KCNQ5: variants seen among roughly 807,000 people sequenced by gnomAD.
KCNQ5 encodes potassium voltage-gated channel subfamily KQT member 5.
In KCNQ5, 30 loss-of-function variants were observed where a neutral mutation model predicts 98.2. The observed-to-expected ratio is 0.31, with a 90% CI of 0.23 to 0.41. The LOEUF is 0.41. KCNQ5 is among the 10% of genes least tolerant of loss of function. The probability of loss-of-function intolerance (pLI) is 1.00; values close to 1 mark genes in which losing one functional copy is unlikely to be tolerated. For missense variants in KCNQ5, 835 were observed against 1,182.5 expected, an observed-to-expected ratio of 0.71 and a Z score of 4.31; for synonymous variants, 458 against 449.4, an observed-to-expected ratio of 1.02 and a Z score of -0.24.
intron 9 of KCNQ5, among the ~76,000 whole-genome samples, chr6:73,129,616 T>C (rs1260741091): frequency 2.0e-5 from 3 of 152,246 alleles, no homozygotes; most frequent in African/African-American, 7.2e-5. Flanking sequence ...TTAAGATCAC[T>C]GGATATCTTT....
chr6:73,094,235 G>A (rs767639820), intron 5 of KCNQ5, among the ~76,000 whole-genome samples: 9 of 152,102 alleles, frequency 5.9e-5, no homozygotes, highest in African/African-American at 9.7e-5. Flanking sequence ...TGCTTTTGGT[G>A]TCCATATTCC....
At chr6:73,163,082 A>G (rs900192194) in intron 10 of KCNQ5, among the ~76,000 whole-genome samples, 1 of 152,164 alleles carries the variant, frequency 6.6e-6, no homozygotes, top group African/African-American at 2.4e-5. Context: ...AATGAATACA[A>G]ATTATTGTAA....
At chr6:73,141,579 TTC>T (rs1776713433) in intron 10 of KCNQ5, among the ~76,000 whole-genome samples, 2 of 152,226 alleles carry the variant, frequency 1.3e-5, no homozygotes, top group African/African-American at 4.8e-5. Flanking sequence ...GAAAATTATA[TTC>T]TGTTTCTGTT....
chr6:72,915,068 T>G (rs1780078692), intron 1 of KCNQ5, among the ~76,000 whole-genome samples: 1 of 152,046 alleles, frequency 6.6e-6, no homozygotes, highest in Non-Finnish European at 1.5e-5. Context: ...GAACTGTTAA[T>G]TTAAAAAAAG....
chr6:72,919,296 CT>C (rs1170941889), intron 1 of KCNQ5, among the ~76,000 whole-genome samples: 1 of 152,206 alleles, frequency 6.6e-6, no homozygotes, highest in African/African-American at 2.4e-5. Context: ...TCTTAAAGAA[CT>C]CATGGGAGAG....
At chr6:73,151,087 C>T (rs1467701796) in intron 10 of KCNQ5, among the ~76,000 whole-genome samples, 1 of 152,006 alleles carries the variant, frequency 6.6e-6, no homozygotes, top group Non-Finnish European at 1.5e-5. Flanking sequence ...ATAGAGGGTA[C>T]ACAGAATCTC....
intron 1 of KCNQ5, among the ~76,000 whole-genome samples, chr6:72,859,091 G>A (rs1300011613): frequency 6.6e-6 from 1 of 152,068 alleles, no homozygotes; most frequent in Non-Finnish European, 1.5e-5. Flanking sequence ...CCATATAAAT[G>A]TAAAGGCTTT....
chr6:72,853,817 CAA>C (rs1465479963), intron 1 of KCNQ5, among the ~76,000 whole-genome samples: 1 of 152,152 alleles, frequency 6.6e-6, no homozygotes, highest in East Asian at 1.9e-4. Flanking sequence ...AACAATAGCC[CAA>C]GTCTTTACAG....
chr6:73,132,431 T>C (rs1776275610), intron 9 of KCNQ5, among the ~76,000 whole-genome samples: 1 of 152,178 alleles, frequency 6.6e-6, no homozygotes, highest in African/African-American at 2.4e-5. Flanking sequence ...ACAAAGCTTC[T>C]TACAGTTCAT....
chr6:73,052,822 CCACA>C (rs2150367247), intron 3 of KCNQ5, among the ~76,000 whole-genome samples: 1 of 152,258 alleles, frequency 6.6e-6, no homozygotes, highest in Non-Finnish European at 1.5e-5. Context: ...CAAAAAGCAA[CCACA>C]CAAACAGATC....
chr6:73,042,261 C>T (rs1242940029), intron 3 of KCNQ5, 199 bp downstream of exon 3: 1 of 604,046 alleles, frequency 1.7e-6, no homozygotes, highest in African/African-American at 1.9e-5. Context: ...TTTTATTATC[C>T]CCATTTTACA....
Position 73,133,706 on chromosome 6 carries a change from A to C in KCNQ5, c.1468+65A>C, listed in dbSNP as rs1776337002. ...GCTATAGTGAGTGAGATTATGAAGT[A>C]ATTAATTCTCCATAGTGCCACTTGA... On this transcript the variant is annotated intron_variant, in intron 10 of 13. Transcript: ENST00000370398. 3.7e-6 allele frequency: 5 copies of C among 1,354,950 alleles called. No individual in the cohort carries two copies. The East Asian group carries it at 1.2e-4, about 32-fold the overall frequency. 83.9% of individuals were successfully genotyped at this position (1,354,950 alleles called of 1,614,324 possible). A position where few individuals can be genotyped will look rare whatever the true frequency, so the allele number is the denominator to read the frequency against.
At chr6:73,164,781 A>G (rs913500321) in intron 10 of KCNQ5, among the ~76,000 whole-genome samples, 1 of 152,176 alleles carries the variant, frequency 6.6e-6, no homozygotes, top group Non-Finnish European at 1.5e-5. Context: ...CTGGTTATAC[A>G]GTGTTTTCAA....
intron 1 of KCNQ5, among the ~76,000 whole-genome samples, chr6:72,793,803 G>A (rs1047406746): frequency 6.6e-6 from 1 of 152,222 alleles, no homozygotes; most frequent in Non-Finnish European, 1.5e-5. Flanking sequence ...CTCTTATTGA[G>A]TGTCAGGCCC....
chr6:72,822,738 G>A (rs1775813889), intron 1 of KCNQ5, among the ~76,000 whole-genome samples: 1 of 152,114 alleles, frequency 6.6e-6, no homozygotes, highest in Non-Finnish European at 1.5e-5. Flanking sequence ...CAAACTTAGT[G>A]GCTTAAAACA....
chr6:73,186,802 T>G (rs192936059), intron 11 of KCNQ5, among the ~76,000 whole-genome samples: 4,676 of 152,300 alleles, frequency 0.031, 90 homozygotes, highest in East Asian at 0.068. Flanking sequence ...AAATTCTTTT[T>G]TTAAAATACT....
chr6:73,058,606 A>G (rs1391364263), intron 3 of KCNQ5, among the ~76,000 whole-genome samples: 2 of 152,236 alleles, frequency 1.3e-5, no homozygotes, highest in South Asian at 2.1e-4. Context: ...AAAAGAAACT[A>G]TCAACAGAGT....
intron 2 of KCNQ5, among the ~76,000 whole-genome samples, chr6:73,025,357 C>T (rs1770825575): frequency 6.6e-6 from 1 of 152,188 alleles, no homozygotes; most frequent in African/African-American, 2.4e-5. Flanking sequence ...AGAGGTGGCT[C>T]ACGCCTGTAA....
At chr6:72,866,252 CTTT>C (rs34839143) in intron 1 of KCNQ5, among the ~76,000 whole-genome samples, 5 of 113,748 alleles carry the variant, frequency 4.4e-5, no homozygotes, top group Admixed American at 9.6e-5. Context: ...CGCCATCTCC[CTTT>C]TTTTTTTTTT....
Sources: allele counts gnomAD v4.1 joint callset (sites outside exome capture counted in the v4.1 genomes callset), GRCh38; gene constraint gnomAD v4.1.1; transcripts MANE v1.5; gene names NCBI Gene and HGNC (gene_info 2026-07-23, HGNC 2026-07-21).